The following MYH10 variants were observed in gnomAD, a reference collection of about 807,000 sequenced individuals.
The protein encoded by MYH10 is myosin-10.
A neutral mutation model predicts 257.8 loss-of-function variants in MYH10; 55 were observed. The observed-to-expected ratio is 0.21, with a 90% CI of 0.17 to 0.27. The LOEUF is 0.27. Ranked by LOEUF, MYH10 falls within the 10% of genes least tolerant of loss-of-function variation. MYH10 has a pLI of 1.00. For missense variants in MYH10, 1,631 were observed against 2,500.6 expected (o/e 0.65, Z 7.42); for synonymous variants, 854 against 921.7 (o/e 0.93, Z 1.33).
At chr17:8,616,469 A>G (rs919782308) in intron 2 of MYH10, among the ~76,000 whole-genome samples, 4 of 152,162 alleles carry the variant, frequency 2.6e-5, no homozygotes, top group African/African-American at 9.7e-5. Context: ...CTACATAATG[A>G]TAACAATTAT....
At chr17:8,556,783 T>A (rs1301245387) in intron 7 of MYH10, among the ~76,000 whole-genome samples, 3 of 152,198 alleles carry the variant, frequency 2.0e-5, no homozygotes, top group Non-Finnish European at 4.4e-5. Context: ...TCAAAAACAA[T>A]CAAGGGAGAG....
Position 8,480,313 on chromosome 17 carries a change from G to A in MYH10, c.5394C>T (p.Asp1798=), listed in dbSNP as rs768299498. The A allele has an allele frequency of 6.2e-7, 1 of 1,614,106 alleles. No individual in the cohort carries two copies. Among genetic ancestry groups the A allele is most frequent in the East Asian group, 2.2e-5 (1 of 44,884 alleles). The change falls in exon 40 of 43, where the codon GAC becomes GAT. Residue 1798 remains aspartate (D), a synonymous_variant. Transcript: ENST00000360416. The part of the protein sequence containing the change: ...DRFRKTTLQV[D]TLNAELAAER... The stretch of plus-strand genomic sequence containing the variant: ...CGGCTGCTAGCTCGGCGTTCAGTGT[G>A]TCCACCTAGAGAGGAGAGAGGAGTT...
chr17:8,601,440 C>A (rs2084589635), intron 3 of MYH10, among the ~76,000 whole-genome samples: 2 of 152,216 alleles, frequency 1.3e-5, no homozygotes, highest in Non-Finnish European at 1.5e-5. Flanking sequence ...AAGCGTATCT[C>A]CTTTCACTAT....
intron 6 of MYH10, among the ~76,000 whole-genome samples, chr17:8,574,863 G>T (rs991004532): frequency 6.6e-6 from 1 of 152,204 alleles, no homozygotes; most frequent in African/African-American, 2.4e-5. Flanking sequence ...CCAGCAGGGG[G>T]AGAAGTAACT....
chr17:8,505,552 A>C (rs2081048886), intron 27 of MYH10, among the ~76,000 whole-genome samples: 1 of 152,268 alleles, frequency 6.6e-6, no homozygotes, highest in African/African-American at 2.4e-5. Context: ...TATTCTTTAT[A>C]AAGAAATGAA....
rs1447273807 is a variant in MYH10, at chr17:8,475,044, T to C, written c.*760A>G. 6 of 152,408 alleles carry C rather than the reference T, an allele frequency of 3.9e-5. No homozygotes were observed. Among genetic ancestry groups the C allele is most frequent in the African/African-American group, 1.4e-4 (6 of 41,444 alleles). 9.4% of individuals were successfully genotyped at this position (152,408 alleles called of 1,614,324 possible). On this transcript the variant is annotated 3_prime_UTR_variant, in exon 43 of 43. Coordinates refer to ENST00000360416, the MANE Select transcript of MYH10 (RefSeq NM_001256012.3). ...CAGAGCCAGGCGGTTCGGGAGACCATCTGGAAGTCTACATGATCCATGGCT... is the reference window on the plus strand; with the variant it reads ...CAGAGCCAGGCGGTTCGGGAGACCACCTGGAAGTCTACATGATCCATGGCT...
At chr17:8,603,961 T>C (rs995376768) in intron 3 of MYH10, among the ~76,000 whole-genome samples, 1 of 152,100 alleles carries the variant, frequency 6.6e-6, no homozygotes, top group African/African-American at 2.4e-5. Flanking sequence ...AGGACGTGGG[T>C]ATTGTACTTT....
chr17:8,600,944 G>A (rs978258032), intron 3 of MYH10, among the ~76,000 whole-genome samples: 1 of 152,156 alleles, frequency 6.6e-6, no homozygotes, highest in African/African-American at 2.4e-5. Context: ...CAGAAAGTTT[G>A]CACATCAGAG....
chr17:8,617,165 C>T (rs1443790930), intron 2 of MYH10, among the ~76,000 whole-genome samples: 2 of 152,200 alleles, frequency 1.3e-5, no homozygotes, highest in Admixed American at 6.5e-5. Flanking sequence ...TTCCCTTCCC[C>T]TCTGGCTTCA....
At chr17:8,531,329 A>T (rs951263498) in intron 16 of MYH10, among the ~76,000 whole-genome samples, 1 of 152,132 alleles carries the variant, frequency 6.6e-6, no homozygotes, top group African/African-American at 2.4e-5. Flanking sequence ...AGGTACATTG[A>T]CATGAAAATG....
intron 3 of MYH10, among the ~76,000 whole-genome samples, chr17:8,602,530 G>A (rs947545476): frequency 6.6e-6 from 1 of 152,218 alleles, no homozygotes; most frequent in Non-Finnish European, 1.5e-5. Flanking sequence ...CCCTGCAGAT[G>A]CCCCCTCAAT....
At chr17:8,615,777 C>G (rs188472475) in intron 2 of MYH10, among the ~76,000 whole-genome samples, 1 of 151,964 alleles carries the variant, frequency 6.6e-6, no homozygotes, top group Non-Finnish European at 1.5e-5. Flanking sequence ...AAAAAATCAC[C>G]CATTCAGGAA....
At chr17:8,501,419 T>C (rs939489116) in intron 28 of MYH10, among the ~76,000 whole-genome samples, 23 of 152,138 alleles carry the variant, frequency 1.5e-4, no homozygotes, top group African/African-American at 5.3e-4. Flanking sequence ...AGGTCAGGAA[T>C]TGGTTAACAC....
chr17:8,492,134 C>T (rs567780392), intron 34 of MYH10, among the ~76,000 whole-genome samples, 163 bp downstream of exon 34: 27 of 152,340 alleles, frequency 1.8e-4, no homozygotes, highest in Admixed American at 1.6e-3. Flanking sequence ...ACCTGAACCC[C>T]GTACGCATGC....
At chr17:8,629,417 G>A (rs567471863) in intron 1 of MYH10, among the ~76,000 whole-genome samples, 9 of 123,378 alleles carry the variant, frequency 7.3e-5, no homozygotes, top group Non-Finnish European at 9.5e-5. Flanking sequence ...AAGAAACAGA[G>A]ATAACGGCTG....
At chr17:8,538,965 T>G (rs1012914116) in intron 14 of MYH10, among the ~76,000 whole-genome samples, 1 of 152,152 alleles carries the variant, frequency 6.6e-6, no homozygotes, top group Non-Finnish European at 1.5e-5. Flanking sequence ...ATGGATTAAT[T>G]CATTCATGGA....
intron 4 of MYH10, among the ~76,000 whole-genome samples, chr17:8,578,971 T>G (rs990723773): frequency 6.6e-6 from 1 of 152,198 alleles, no homozygotes; most frequent in Non-Finnish European, 1.5e-5. Context: ...GCTGGACTCT[T>G]TCTTGGAATT....
chr17:8,623,308 T>A, intron 1 of MYH10, 31 bp from the exon 2 acceptor site: 1 of 1,514,482 alleles, frequency 6.6e-7, no homozygotes, highest in Non-Finnish European at 8.8e-7. Context: ...CAAAATTAGA[T>A]GTTTAAGAAA....
intron 21 of MYH10, among the ~76,000 whole-genome samples, chr17:8,516,733 T>C (rs2081480352): frequency 6.6e-6 from 1 of 152,192 alleles, no homozygotes; most frequent in African/African-American, 2.4e-5. Flanking sequence ...GCACCTGCCA[T>C]TGCTCACTCC....
Sources: gnomAD v4.1 joint callset for allele counts (sites outside exome capture counted in the v4.1 genomes callset) on GRCh38, gnomAD v4.1.1 for gene constraint, MANE v1.5 for transcripts, NCBI Gene and HGNC (gene_info 2026-07-23, HGNC 2026-07-21) for gene names.